Variants in PHC2 observed in about 807,000 individuals in gnomAD.
The protein encoded by PHC2 is polyhomeotic homolog 2.
In PHC2, 29 loss-of-function variants were observed where a neutral mutation model predicts 87.4. The observed-to-expected ratio is 0.33, with a 90% confidence interval of 0.25 to 0.45. PHC2 has a LOEUF of 0.45. Among genes scored for constraint, PHC2 ranks in the 20% least tolerant of loss-of-function variants. The probability of loss-of-function intolerance (pLI) is 1.00; values close to 1 mark genes in which losing one functional copy is unlikely to be tolerated. For synonymous variants in PHC2, 438 were observed against 461.7 expected (o/e 0.95, Z 0.66); for missense variants, 857 against 1,136.7 (o/e 0.75, Z 3.54).
Position 33,367,158 on chromosome 1 carries a change from G to A in PHC2, c.934C>T (p.Arg312Trp), listed in dbSNP as rs764861698. ...TGGGCAGCCACAGCAGGAACCGTCCGGCTGAGCCCAGCCCGGCCTTCCATG... is the reference window on the plus strand; with the variant it reads ...TGGGCAGCCACAGCAGGAACCGTCCAGCTGAGCCCAGCCCGGCCTTCCATG... ...GSMEGRAGLS[R>W]TVPAVAAHPL... The change falls in exon 7 of 15, where the codon CGG becomes TGG. Residue 312 changes from arginine to tryptophan, a missense_variant. Coordinates refer to ENST00000683057, the MANE Select transcript of PHC2 (RefSeq NM_001385109.1). 2.2e-5 allele frequency: 35 copies of A among 1,613,710 alleles called. No individual in the cohort carries two copies. The highest frequency in any genetic ancestry group is 2.0e-4 in the East Asian group (9 of 44,890).
At chr1:33,341,872 G>T (rs943942276) in intron 9 of PHC2, among the ~76,000 whole-genome samples, 5 of 152,250 alleles carry the variant, frequency 3.3e-5, no homozygotes, top group Non-Finnish European at 7.3e-5. Context: ...AATACCAGAA[G>T]GCAGGGGGAA....
At position 33,331,546 on chromosome 1, in the gene PHC2, C is replaced by T. The variant is rs1646497804; in HGVS notation, c.1892-84G>A. 2 of 757,036 alleles carry T rather than the reference C, an allele frequency of 2.6e-6. No homozygotes were observed. Among genetic ancestry groups the T allele is most frequent in the Non-Finnish European group, 4.7e-6 (2 of 426,914 alleles). The allele number at this position is 757,036 out of a possible 1,614,324, so 46.9% of individuals were successfully genotyped here. A position where few individuals can be genotyped will look rare whatever the true frequency, so the allele number is the denominator to read the frequency against. ...AGCCCCACCACGGGGCCTCCCTACTCCATCCTGCCTGGTCCTCCTGCTCCC... is the reference window on the plus strand; with the variant it reads ...AGCCCCACCACGGGGCCTCCCTACTTCATCCTGCCTGGTCCTCCTGCTCCC... On this transcript the variant is annotated intron_variant, in intron 11 of 14. Coordinates refer to ENST00000683057, the MANE Select transcript of PHC2 (RefSeq NM_001385109.1). This position sits in a 1 kb window ranked among gnomAD's most constrained non-coding sequence, Gnocchi z 5.2.
At chr1:33,389,189 G>T (rs1252132044) in intron 1 of PHC2, among the ~76,000 whole-genome samples, 3 of 152,108 alleles carry the variant, frequency 2.0e-5, no homozygotes, top group African/African-American at 7.2e-5. Context: ...GGTGTGGGGG[G>T]TGCGAAAGAG....
chr1:33,398,347 T>C (rs1649378900), intron 1 of PHC2, among the ~76,000 whole-genome samples: 1 of 152,236 alleles, frequency 6.6e-6, no homozygotes, highest in South Asian at 2.1e-4. Flanking sequence ...AGGCTTCCCC[T>C]AGATTTGGAA....
chr1:33,414,176 G>GTCAC (rs1456489859), intron 1 of PHC2, among the ~76,000 whole-genome samples: 791 of 65,056 alleles, frequency 0.012, 8 homozygotes, highest in African/African-American at 0.034. Context: ...CTCTCTCTCT[G>GTCAC]TCACACACAC....
intron 2 of PHC2, among the ~76,000 whole-genome samples, chr1:33,374,541 G>T (rs1648049886): frequency 6.6e-6 from 1 of 152,104 alleles, no homozygotes; most frequent in African/African-American, 2.4e-5. Flanking sequence ...GTCTGTTGTG[G>T]GTTCTCCCTT....
intron 9 of PHC2, among the ~76,000 whole-genome samples, chr1:33,350,106 G>T (rs1460404227): frequency 3.3e-5 from 5 of 151,968 alleles, no homozygotes; most frequent in Non-Finnish European, 5.9e-5. Flanking sequence ...CCACGAGGAG[G>T]CTGCCCTGAT....
At chr1:33,346,815 C>T (rs1276966787) in intron 9 of PHC2, 4 of 985,152 alleles carry the variant, frequency 4.1e-6, no homozygotes, top group Non-Finnish European at 4.8e-6. Flanking sequence ...GAGGTCATCC[C>T]CTTTACACAT....
intron 9 of PHC2, chr1:33,347,037 C>G (rs867098895): frequency 1.4e-5 from 14 of 985,284 alleles, no homozygotes; most frequent in Non-Finnish European, 1.6e-5. Context: ...GCCCTCTCCC[C>G]CTGAAAGATC....
At chr1:33,398,873 T>C (rs1270764766) in intron 1 of PHC2, among the ~76,000 whole-genome samples, 1 of 152,196 alleles carries the variant, frequency 6.6e-6, no homozygotes, top group Non-Finnish European at 1.5e-5. Flanking sequence ...GACCCAGACA[T>C]TGACCATGAA....
chr1:33,407,920 ACCTGTGGT>A (rs1371794038), intron 1 of PHC2, among the ~76,000 whole-genome samples: 2 of 152,168 alleles, frequency 1.3e-5, no homozygotes, highest in Non-Finnish European at 2.9e-5. Context: ...CATTCCTGAT[ACCTGTGGT>A]CAGGTTTCTG....
chr1:33,363,480 A>T (rs1647259223), intron 7 of PHC2, among the ~76,000 whole-genome samples: 1 of 152,188 alleles, frequency 6.6e-6, no homozygotes, highest in Non-Finnish European at 1.5e-5. Flanking sequence ...AATCAGCAAC[A>T]CTGCATTGTC....
Position 33,381,220 on chromosome 1 carries a change from C to T in PHC2, c.-54-5627G>A, listed in dbSNP as rs114140070. 4.0e-3 allele frequency among the ~76,000 whole-genome samples: 614 copies of T among 152,286 alleles called. 4 individuals are homozygous for T. Among genetic ancestry groups the T allele is most frequent in the African/African-American group, 0.014 (574 of 41,548 alleles). ...CTGTCTCCTAGCACTTACAACATAG[C>T]CTTACAAGAAAGTGATTTGCTTGGG... On this transcript the variant is annotated intron_variant, in intron 1 of 14. Transcript: ENST00000683057.
intron 1 of PHC2, among the ~76,000 whole-genome samples, chr1:33,387,114 T>C (rs1380873143): frequency 6.6e-6 from 1 of 152,246 alleles, no homozygotes; most frequent in Non-Finnish European, 1.5e-5. Flanking sequence ...TTACTGGCCT[T>C]CTTTTTCTCT....
At position 33,331,333 on chromosome 1, in the gene PHC2, GC is replaced by G; in HGVS notation, c.2006+14del. On this transcript the variant is annotated intron_variant, in intron 12 of 14. Coordinates refer to ENST00000683057, the MANE Select transcript of PHC2 (RefSeq NM_001385109.1). The surrounding 1 kb of genome is among the most constrained non-coding windows in gnomAD (Gnocchi z 5.2). ...GTGCAGTCCTGGGGAAATGGAGGGGGCTGGGGCCACTCACCTCTTTGCACAA... is the reference window on the plus strand; with the variant it reads ...GTGCAGTCCTGGGGAAATGGAGGGGGTGGGGCCACTCACCTCTTTGCACAA... The G allele has an allele frequency of 7.1e-7, 1 of 1,410,948 alleles. No homozygotes were observed. Among genetic ancestry groups the G allele is most frequent in the Non-Finnish European group, 1.0e-6 (1 of 996,000 alleles). The allele number at this position is 1,410,948 out of a possible 1,614,324, so 87.4% of individuals were successfully genotyped here.
chr1:33,372,202 G>C, intron 3 of PHC2, 87 bp downstream of exon 3: 1 of 1,319,478 alleles, frequency 7.6e-7, no homozygotes, highest in Non-Finnish European at 1.0e-6. Flanking sequence ...AGGATGTGAA[G>C]CGCAGGTGCG....
At chr1:33,372,795 C>T (rs1025348888) in intron 2 of PHC2, among the ~76,000 whole-genome samples, 22 of 152,334 alleles carry the variant, frequency 1.4e-4, no homozygotes, top group African/African-American at 5.1e-4. Context: ...GAAGGGTCTC[C>T]ACCAGGCTTG....
chr1:33,351,784 T>C (rs1158368356), intron 9 of PHC2, among the ~76,000 whole-genome samples: 1 of 151,998 alleles, frequency 6.6e-6, no homozygotes, highest in Non-Finnish European at 1.5e-5. Flanking sequence ...AAACCCTGTC[T>C]CTACTAAAAG....
chr1:33,401,583 T>C (rs1649534519), intron 1 of PHC2, among the ~76,000 whole-genome samples: 1 of 152,212 alleles, frequency 6.6e-6, no homozygotes. Flanking sequence ...CGGGAGTATT[T>C]ATACCATGGA....
Sources: gnomAD v4.1 joint callset for allele counts (sites outside exome capture counted in the v4.1 genomes callset) on GRCh38, gnomAD v4.1.1 for gene constraint, Gnocchi (gnomAD v3.1) non-coding constraint, MANE v1.5 for transcripts, NCBI Gene and HGNC (gene_info 2026-07-23, HGNC 2026-07-21) for gene names.